MYO18A: variants seen among roughly 807,000 people sequenced by gnomAD.
MYO18A encodes myosin XVIIIA, also known as unconventional myosin-XVIIIa.
Under a neutral mutation model 235.8 loss-of-function variants are expected in MYO18A, and 78 were observed. The ratio of observed to expected loss-of-function variants is 0.33; its 90% CI spans 0.28 to 0.40. The LOEUF is 0.40. Among genes scored for constraint, MYO18A ranks in the 10% least tolerant of loss-of-function variants. MYO18A has a pLI of 1.00. For synonymous variants in MYO18A, 977 were observed against 1,077.8 expected (o/e 0.91, Z 1.83); for missense variants, 2,215 against 2,699.3 (o/e 0.82, Z 3.98).
chr17:29,167,062 G>T, intron 1 of MYO18A, 41 bp from the exon 2 acceptor site: 1 of 1,376,062 alleles, frequency 7.3e-7, no homozygotes. Flanking sequence ...TATTCGAACA[G>T]AGCCTCATGT....
At chr17:29,097,977 A>C in intron 25 of MYO18A, 78 bp from the exon 26 acceptor site, 1 of 1,572,648 alleles carries the variant, frequency 6.4e-7, no homozygotes, top group South Asian at 1.2e-5. Flanking sequence ...CCATGATCAC[A>C]TGCTTACCAA....
intron 2 of MYO18A, among the ~76,000 whole-genome samples, chr17:29,150,071 A>C (rs1375330315): frequency 6.6e-6 from 1 of 152,248 alleles, no homozygotes; most frequent in African/African-American, 2.4e-5. Flanking sequence ...CCTGGGTGTG[A>C]GAGATGGAGG....
intron 1 of MYO18A, among the ~76,000 whole-genome samples, chr17:29,174,759 C>T (rs2068485205): frequency 6.6e-6 from 1 of 152,040 alleles, no homozygotes; most frequent in South Asian, 2.1e-4. Flanking sequence ...TTGCAGTGAG[C>T]CGAGATCACG....
chr17:29,121,807 A>AT lies in MYO18A; in HGVS notation c.1194+43_1194+44insA. 6.2e-7 allele frequency: 1 copy of AT among 1,611,430 alleles called. No homozygotes were observed. Among genetic ancestry groups the AT allele is most frequent in the Non-Finnish European group, 8.5e-7 (1 of 1,178,392 alleles). ...AGGATGGGCCTGCCCTGCCCAGTGC[A>AT]CTCCTGAGCCTCCTCCCCCACACCC... On this transcript the variant is annotated intron_variant, in intron 4 of 41. Transcript: ENST00000527372. This position sits in a 1 kb window ranked among gnomAD's most constrained non-coding sequence, Gnocchi z 4.2.
At chr17:29,141,309 G>A (rs990835765) in intron 2 of MYO18A, among the ~76,000 whole-genome samples, 1 of 152,166 alleles carries the variant, frequency 6.6e-6, no homozygotes, top group African/African-American at 2.4e-5. Context: ...CTAGGGACCC[G>A]CTGAGACGCT....
At chr17:29,086,060 C>T (rs1598274927) in intron 39 of MYO18A, among the ~76,000 whole-genome samples, 1 of 152,268 alleles carries the variant, frequency 6.6e-6, no homozygotes, top group East Asian at 1.9e-4. Flanking sequence ...AAACCATTCC[C>T]CGGGTGGGTT....
chr17:29,167,054 TTCGAAC>T, intron 1 of MYO18A, 33 bp from the exon 2 acceptor site: 4 of 1,404,448 alleles, frequency 2.8e-6, no homozygotes, highest in Non-Finnish European at 3.7e-6. Context: ...AGAAAGGTTA[TTCGAAC>T]AGAGCCTCAT....
At chr17:29,153,446 A>G (rs1032125075) in intron 2 of MYO18A, among the ~76,000 whole-genome samples, 1 of 152,192 alleles carries the variant, frequency 6.6e-6, no homozygotes, top group Admixed American at 6.5e-5. Context: ...CTGGACTAAA[A>G]CTACTATGAT....
rs977561607 is a variant in MYO18A, at chr17:29,109,999, G to A, written c.3190C>T (p.Arg1064Cys). The change falls in exon 19 of 42, where the codon CGC becomes TGC. Residue 1064 changes from arginine to cysteine, a missense_variant. Transcript: ENST00000527372. This position sits in a 1 kb window ranked among gnomAD's most constrained non-coding sequence, Gnocchi z 4.1. ...AGCTCACTGCTGCTGCTGACTCGGC[G>A]GGAGGAGGCGGAACGGGGCTCCCCA... ...WAGEPRSASS[R>C]RVSSSSELDL... 1.1e-5 allele frequency: 18 copies of A among 1,612,458 alleles called. No homozygotes were observed. The highest frequency in any genetic ancestry group is 1.4e-5 in the Non-Finnish European group (17 of 1,179,526).
At chr17:29,173,630 G>A (rs535380479) in intron 1 of MYO18A, among the ~76,000 whole-genome samples, 158 of 151,132 alleles carry the variant, frequency 1.0e-3, no homozygotes, top group South Asian at 4.6e-3. Flanking sequence ...CTCGTGATCC[G>A]CCCGCCTCGG....
Position 29,098,847 on chromosome 17 carries a change from C to T in MYO18A, c.3759G>A (p.Glu1253=), listed in dbSNP as rs749882259. 2 of 1,613,988 alleles carry T rather than the reference C, an allele frequency of 1.2e-6. No homozygotes were observed. Among genetic ancestry groups the T allele is most frequent in the South Asian group, 1.1e-5 (1 of 91,086 alleles). ...VRPLIEVQLS[E]EQIRNKDEEI... ...ATACGTCTTTGTTCCGGATCTGCTCCTCTGACAGCTGTACTTCGATGAGGG... is the reference window on the plus strand; with the variant it reads ...ATACGTCTTTGTTCCGGATCTGCTCTTCTGACAGCTGTACTTCGATGAGGG... The change falls in exon 23 of 42, where the codon GAG becomes GAA. Residue 1253 remains glutamate (E), a synonymous_variant. Transcript: ENST00000527372.
chr17:29,156,079 T>C (rs917996847), intron 2 of MYO18A, among the ~76,000 whole-genome samples: 2 of 152,146 alleles, frequency 1.3e-5, no homozygotes, highest in African/African-American at 4.8e-5. Flanking sequence ...GGTAGGGACA[T>C]GTGGGAGCTG....
rs1174406760 is a variant in MYO18A, at chr17:29,126,271, T to G, written c.1000-4018A>C. On this transcript the variant is annotated intron_variant, in intron 2 of 41. Transcript: ENST00000527372. This position sits in a 1 kb window ranked among gnomAD's most constrained non-coding sequence, Gnocchi z 4.1. ...TGGCTAAACTCCAGGTCAGGGCATG[T>G]CTCAGCTCCCATCTCCTCCCTTGTG... is the stretch of plus-strand genomic sequence containing the variant. Among the ~76,000 whole-genome samples, 3 of 150,334 alleles carry G rather than the reference T, an allele frequency of 2.0e-5. No homozygotes were observed. Among genetic ancestry groups the G allele is most frequent in the African/African-American group, 7.3e-5 (3 of 41,112 alleles).
Position 29,132,097 on chromosome 17 carries a change from C to A in MYO18A, c.1000-9844G>T, listed in dbSNP as rs138824809. Among the ~76,000 whole-genome samples, 5 of 152,304 alleles carry A rather than the reference C, an allele frequency of 3.3e-5. No individual in the cohort carries two copies. The East Asian group carries it at 9.6e-4, about 29-fold the overall frequency. On this transcript the variant is annotated intron_variant, in intron 2 of 41. Transcript: ENST00000527372. ...CCAACCACGCAGCCGAGGGAGGGAA[C>A]CCTGAAGTTAGGGGCGGGGTATGGA...
At chr17:29,077,830 G>A (rs760009384) in intron 41 of MYO18A, 1 of 152,322 alleles carries the variant, frequency 6.6e-6, no homozygotes, top group Non-Finnish European at 1.5e-5. Context: ...AGTCAGTGTG[G>A]GATGGCCCAG....
At chr17:29,103,274 C>T (rs2066700541) in intron 21 of MYO18A, among the ~76,000 whole-genome samples, 1 of 152,222 alleles carries the variant, frequency 6.6e-6, no homozygotes, top group South Asian at 2.1e-4. Context: ...GTCTCCCCTA[C>T]TCCCCACACC....
chr17:29,154,074 A>G (rs1162218929), intron 2 of MYO18A, among the ~76,000 whole-genome samples: 2 of 150,882 alleles, frequency 1.3e-5, no homozygotes, highest in African/African-American at 4.9e-5. Flanking sequence ...TCTGGGAGAA[A>G]AGGACAACCC....
At chr17:29,128,427 T>C in intron 2 of MYO18A, 1 of 1,289,514 alleles carries the variant, frequency 7.8e-7, no homozygotes, top group Non-Finnish European at 1.0e-6. Context: ...CCCGGGCCGT[T>C]CATGGCGAGT....
At chr17:29,101,718 C>G (rs2066656585) in intron 21 of MYO18A, among the ~76,000 whole-genome samples, 1 of 152,198 alleles carries the variant, frequency 6.6e-6, no homozygotes, top group Non-Finnish European at 1.5e-5. Context: ...ACATAGCCAC[C>G]TGACCAGGGC....
Sources: gnomAD v4.1 joint callset for allele counts (sites outside exome capture counted in the v4.1 genomes callset) on GRCh38, gnomAD v4.1.1 for gene constraint, Gnocchi (gnomAD v3.1) non-coding constraint, MANE v1.5 for transcripts, NCBI Gene and HGNC (gene_info 2026-07-23, HGNC 2026-07-21) for gene names.